The following NTF3 variants were observed in gnomAD, a reference collection of about 807,000 sequenced individuals.
NTF3 encodes the protein neurotrophin-3.
A neutral mutation model predicts 26.3 loss-of-function variants in NTF3; 8 were observed. That is an observed-to-expected ratio of 0.30 (90% CI 0.18 to 0.55). The LOEUF (loss-of-function observed/expected upper bound fraction) is 0.55, where lower values mean the gene tolerates loss of function less well. NTF3 is among the 20% of genes least tolerant of loss of function. The pLI, the probability that NTF3 is intolerant of heterozygous loss-of-function variation, is 0.93. For synonymous variants in NTF3, 154 were observed against 145.5 expected, an observed-to-expected ratio of 1.06 and a Z score of -0.42; for missense variants, 276 against 352.9, an observed-to-expected ratio of 0.78 and a Z score of 1.75.
At position 5,456,524 on chromosome 12, in the gene NTF3, C is replaced by T. The variant is rs187501319; in HGVS notation, c.18+24182C>T. 6.0e-3 allele frequency among the ~76,000 whole-genome samples: 916 copies of T among 152,226 alleles called. 40 individuals carry two copies. The highest frequency in any genetic ancestry group is 0.054 in the Admixed American group (829 of 15,292). On this transcript the variant is annotated intron_variant, in intron 1 of 1. Transcript: ENST00000423158. The surrounding 1 kb of genome is among the most constrained non-coding windows in gnomAD (Gnocchi z 4.4). ...ACCTCAGGCACGGTGGACCTGGCTC[C>T]TCAGAGAGCTCTAGGGACAGAGGAG...
intron 1 of NTF3, among the ~76,000 whole-genome samples, chr12:5,473,377 T>C (rs929199446): frequency 6.6e-6 from 1 of 152,198 alleles, no homozygotes; most frequent in Non-Finnish European, 1.5e-5. Context: ...TTCCCTGACG[T>C]GGTAGGAAGC....
intron 1 of NTF3, among the ~76,000 whole-genome samples, chr12:5,492,530 A>C (rs560477958): frequency 6.6e-6 from 1 of 152,310 alleles, no homozygotes; most frequent in South Asian, 2.1e-4. Flanking sequence ...AATAGGAGGG[A>C]GATTCCTTAT....
At chr12:5,482,266 G>C (rs1015108888) in intron 1 of NTF3, among the ~76,000 whole-genome samples, 2 of 152,224 alleles carry the variant, frequency 1.3e-5, no homozygotes, top group Admixed American at 1.3e-4. Context: ...GTTGGCCAGG[G>C]TGCCAGGCAC....
intron 1 of NTF3, among the ~76,000 whole-genome samples, chr12:5,447,055 T>G (rs1391859892): frequency 6.6e-6 from 1 of 152,142 alleles, no homozygotes; most frequent in African/African-American, 2.4e-5. Context: ...CCGAGAGCAG[T>G]GGAAGCAGGA....
chr12:5,480,082 T>G (rs1323895324), intron 1 of NTF3, among the ~76,000 whole-genome samples: 1 of 152,196 alleles, frequency 6.6e-6, no homozygotes, highest in Non-Finnish European at 1.5e-5. Context: ...GCTCTTCCAG[T>G]GCAGCCCCTC....
chr12:5,484,151 G>C (rs1365007649), intron 1 of NTF3, among the ~76,000 whole-genome samples: 2 of 152,148 alleles, frequency 1.3e-5, no homozygotes, highest in African/African-American at 2.4e-5. Flanking sequence ...AGCAGCGTAG[G>C]GCTGGTCATC....
intron 1 of NTF3, among the ~76,000 whole-genome samples, chr12:5,492,434 T>A (rs539752450): frequency 3.0e-4 from 45 of 152,358 alleles, no homozygotes; most frequent in South Asian, 8.3e-4. Flanking sequence ...GAGAATGTAA[T>A]CCTAGTTGTA....
rs182639658 is a variant in NTF3, at chr12:5,452,983, C to G, written c.18+20641C>G. Among the ~76,000 whole-genome samples the G allele has an allele frequency of 2.3e-4, 35 of 152,262 alleles. No individual in the cohort carries two copies. The East Asian group carries it at 5.4e-3, about 24-fold the overall frequency. On this transcript the variant is annotated intron_variant, in intron 1 of 1. Coordinates refer to ENST00000423158, the MANE Select transcript of NTF3 (RefSeq NM_001102654.2). ...GCTGACTTGGCTGTGAATCCCAGCT[C>G]CATCACTTGCTGGCCAGGTGACTGA... is the stretch of plus-strand genomic sequence containing the variant.
chr12:5,470,747 G>A (rs552844062), intron 1 of NTF3, among the ~76,000 whole-genome samples: 2 of 152,326 alleles, frequency 1.3e-5, no homozygotes, highest in South Asian at 2.1e-4. Context: ...CTGTCCAGCA[G>A]AGCTGTAAGA....
At chr12:5,478,546 C>G (rs754786056) in intron 1 of NTF3, among the ~76,000 whole-genome samples, 54 of 152,248 alleles carry the variant, frequency 3.5e-4, no homozygotes, top group Non-Finnish European at 3.5e-4. Context: ...TACGGGCCTG[C>G]GGCCCGATAG....
At chr12:5,434,589 G>A (rs1481819651) in intron 1 of NTF3, among the ~76,000 whole-genome samples, 1 of 151,908 alleles carries the variant, frequency 6.6e-6, no homozygotes, top group Non-Finnish European at 1.5e-5. Context: ...TGTCGGATGG[G>A]CATCTGTGTG....
intron 1 of NTF3, 85 bp downstream of exon 1, chr12:5,432,427 G>A (rs1257409076): frequency 2.0e-6 from 3 of 1,488,684 alleles, no homozygotes; most frequent in African/African-American, 2.8e-5. Context: ...GGACTGGTGC[G>A]GGGGGCCCCA....
intron 1 of NTF3, among the ~76,000 whole-genome samples, chr12:5,439,471 C>T (rs1485589757): frequency 6.6e-6 from 1 of 152,186 alleles, no homozygotes; most frequent in African/African-American, 2.4e-5. Context: ...CAAAGTTGGT[C>T]ACCCCATAGG....
intron 1 of NTF3, among the ~76,000 whole-genome samples, chr12:5,486,911 G>A (rs1940872930): frequency 6.6e-6 from 1 of 151,884 alleles, no homozygotes; most frequent in South Asian, 2.1e-4. Context: ...GTGTGTGTGT[G>A]TGTGTGTGTA....
intron 1 of NTF3, among the ~76,000 whole-genome samples, chr12:5,467,123 G>A (rs531465681): frequency 2.0e-4 from 30 of 150,580 alleles, no homozygotes; most frequent in African/African-American, 3.2e-4. Flanking sequence ...CCAGCTACTC[G>A]GGAGGCTGAG....
intron 1 of NTF3, among the ~76,000 whole-genome samples, chr12:5,458,219 T>C (rs1940477488): frequency 6.6e-6 from 1 of 152,158 alleles, no homozygotes; most frequent in Admixed American, 6.5e-5. Flanking sequence ...TTGCTCACAC[T>C]ACTGCAGCTC....
intron 1 of NTF3, among the ~76,000 whole-genome samples, chr12:5,490,303 C>T (rs1940919228): frequency 6.6e-6 from 1 of 152,140 alleles, no homozygotes; most frequent in Non-Finnish European, 1.5e-5. Flanking sequence ...AGTAAATAGA[C>T]GTCGAAAGTC....
At chr12:5,434,472 A>AGTGTGTGTGTGTGTGTGTGTGTGTGTGT (rs59874216) in intron 1 of NTF3, among the ~76,000 whole-genome samples, 1 of 142,692 alleles carries the variant, frequency 7.0e-6, no homozygotes, top group African/African-American at 2.7e-5. Context: ...GTTTTTCCAA[A>AGTGTGTGTGTGTGTGTGTGTGTGTGTGT]GTGTGTGTGT....
chr12:5,456,556 G>A lies in NTF3; in HGVS notation c.18+24214G>A, dbSNP rs982490305. ...AGCTCTAGGGACAGAGGAGAGAAAG[G>A]GTCTGCATTCTGTTTGCAGCCCTGA... On this transcript the variant is annotated intron_variant, in intron 1 of 1. Coordinates refer to ENST00000423158, the MANE Select transcript of NTF3 (RefSeq NM_001102654.2). This position sits in a 1 kb window ranked among gnomAD's most constrained non-coding sequence, Gnocchi z 4.4. Among the ~76,000 whole-genome samples the A allele has an allele frequency of 1.3e-5, 2 of 151,976 alleles. No individual in the cohort carries two copies. Among genetic ancestry groups the A allele is most frequent in the South Asian group, 2.1e-4 (1 of 4,806 alleles).
Sources: allele counts gnomAD v4.1 joint callset (sites outside exome capture counted in the v4.1 genomes callset), GRCh38; gene constraint gnomAD v4.1.1; non-coding constraint Gnocchi (gnomAD v3.1); transcripts MANE v1.5; gene names NCBI Gene and HGNC (gene_info 2026-07-23, HGNC 2026-07-21).